SLC44A2: variants seen among roughly 807,000 people sequenced by gnomAD.
The protein encoded by SLC44A2 is choline transporter-like protein 2.
In SLC44A2, 57 loss-of-function variants were observed where a neutral mutation model predicts 90.8. The observed-to-expected ratio is 0.63, with a 90% CI of 0.51 to 0.78. The LOEUF is 0.78. SLC44A2 is among the 30% of genes least tolerant of loss of function. The pLI is 0.00. For synonymous variants in SLC44A2, 355 were observed against 360.7 expected (o/e 0.98, Z 0.18); for missense variants, 794 against 919.7 (o/e 0.86, Z 1.77).
At chr19:10,609,972 AT>A (rs1349712757) in intron 1 of SLC44A2, among the ~76,000 whole-genome samples, 4 of 151,364 alleles carry the variant, frequency 2.6e-5, no homozygotes, top group Non-Finnish European at 2.9e-5. Context: ...TGCCCGGCTA[AT>A]TTTTGTATTT....
chr19:10,615,443 T>A (rs967122897), intron 1 of SLC44A2, among the ~76,000 whole-genome samples: 4 of 151,642 alleles, frequency 2.6e-5, no homozygotes, highest in Non-Finnish European at 4.4e-5. Flanking sequence ...GCATGGTGGC[T>A]CACACCTGAA....
chr19:10,631,025 A>C, intron 4 of SLC44A2, 32 bp from the exon 5 acceptor site: 6 of 1,476,408 alleles, frequency 4.1e-6, no homozygotes, highest in Non-Finnish European at 5.6e-6. Context: ...AAAAAATCTT[A>C]ACAGTTTCCA....
upstream of SLC44A2, among the ~76,000 whole-genome samples, chr19:10,621,421 T>G (rs1599237548): frequency 3.9e-5 from 3 of 76,930 alleles, no homozygotes; most frequent in Middle Eastern, 5.3e-3. Flanking sequence ...GATGGTTGGG[T>G]GTTTTTTTTT....
In SLC44A2 at chr19:10,618,721, C is replaced by T. The variant is rs144917131; in HGVS notation, c.32-7532C>T. On this transcript the variant is annotated intron_variant, in intron 1 of 21. Transcript: ENST00000407327. ...GTCTCGATCTCCTGACCTCGTGTTC[C>T]GGCCATGCTCGCCTAATTTTTTTGT... Among the ~76,000 whole-genome samples, 751 of 151,816 alleles carry T rather than the reference C, an allele frequency of 4.9e-3. 6 individuals are homozygous for T. Among genetic ancestry groups the T allele is most frequent in the African/African-American group, 0.017 (693 of 41,410 alleles).
intron 14 of SLC44A2, 175 bp downstream of exon 14, chr19:10,635,690 C>T (rs1242603385): frequency 3.5e-6 from 2 of 574,502 alleles, no homozygotes. Context: ...GATCGAACAA[C>T]TTCCCAGGGC....
At position 10,627,797 on chromosome 19, in the gene SLC44A2, T is replaced by C; in HGVS notation, c.160+2T>C. On this transcript the variant is annotated splice_donor_variant, in intron 3 of 21. Coordinates refer to ENST00000335757, the MANE Select transcript of SLC44A2 (RefSeq NM_020428.4). LOFTEE classifies it high-confidence loss of function. The stretch of plus-strand genomic sequence containing the variant: ...GCTACGTGGCTGTAGGCATCATAGG[T>C]GAGTAGAGAATGAGCAGGACTTGGA... 6 of 1,613,670 alleles carry C rather than the reference T, an allele frequency of 3.7e-6. No individual in the cohort carries two copies. Among genetic ancestry groups the C allele is most frequent in the Non-Finnish European group, 5.1e-6 (6 of 1,179,934 alleles).
chr19:10,636,342 A>T lies in SLC44A2; in HGVS notation c.1253A>T (p.Glu418Val), dbSNP rs961873464. The T allele has an allele frequency of 2.5e-6, 4 of 1,612,226 alleles. No homozygotes were observed. The highest frequency in any genetic ancestry group is 3.4e-6 in the Non-Finnish European group (4 of 1,179,280). ...CNPETFPSSN[E>V]SRQCPNARCQ... ...CCACAGACCTTCCCCTCCTCCAATG[A>T]GTCCCGCCAATGCCCCAATGCCCGT... Residue 418 changes from glutamate (E) to valine (V), a missense_variant, in exon 15 of 22, where the codon GAG (glutamate) becomes GTG (valine). Physicochemically the swap from Glu to Val is moderately radical, Grantham distance 121 (BLOSUM62 -2). Coordinates refer to ENST00000335757, the MANE Select transcript of SLC44A2 (RefSeq NM_020428.4).
intron 21 of SLC44A2, 72 bp downstream of exon 21, chr19:10,642,523 C>T: frequency 7.1e-7 from 1 of 1,417,022 alleles, no homozygotes; most frequent in Non-Finnish European, 1.0e-6. Context: ...ACATCACCCT[C>T]CAACGGGGCA....
chr19:10,642,632 C>T (rs887143177), intron 21 of SLC44A2, among the ~76,000 whole-genome samples, 181 bp downstream of exon 21: 7 of 152,148 alleles, frequency 4.6e-5, no homozygotes, highest in African/African-American at 1.7e-4. Context: ...AGAAGCAGCT[C>T]CGACCTCCTG....
chr19:10,633,973 A>ATTTTTTTTTTT lies in SLC44A2; in HGVS notation c.824-778_824-768dup, dbSNP rs1406434263. Among the ~76,000 whole-genome samples the ATTTTTTTTTTT allele has an allele frequency of 1.7e-3, 182 of 107,918 alleles. 27 individuals carry two copies. Among genetic ancestry groups the ATTTTTTTTTTT allele is most frequent in the African/African-American group, 6.0e-3 (157 of 26,172 alleles). 70.8% of individuals were successfully genotyped at this position (107,918 alleles called of 152,430 possible). A position where few individuals can be genotyped will look rare whatever the true frequency, so the allele number is the denominator to read the frequency against. ...ACCAACATGTAGAAACCCCATCTCT[A>ATTTTTTTTTTT]TTTTTTTTTTTTTTTGAGACAGAGT... On this transcript the variant is annotated intron_variant, in intron 10 of 21. Coordinates refer to ENST00000335757, the MANE Select transcript of SLC44A2 (RefSeq NM_020428.4).
At chr19:10,627,587 C>G in intron 2 of SLC44A2, 135 bp from the exon 3 acceptor site, 1 of 780,418 alleles carries the variant, frequency 1.3e-6, no homozygotes, top group Non-Finnish European at 2.2e-6. Flanking sequence ...TGCATGTGCC[C>G]TTTGGTACGG....
At chr19:10,621,972 G>C (rs2144831415), upstream of SLC44A2, among the ~76,000 whole-genome samples, 1 of 152,278 alleles carries the variant, frequency 6.6e-6, no homozygotes, top group East Asian at 1.9e-4. Flanking sequence ...GTGTTGCCCA[G>C]GCTGGTCTCG....
At chr19:10,641,127 C>T (rs1168283299) in intron 20 of SLC44A2, 1 of 397,722 alleles carries the variant, frequency 2.5e-6, no homozygotes, top group Non-Finnish European at 4.8e-6. Context: ...ACGCAGGGGC[C>T]CACATGTATA....
At chr19:10,639,898 G>T (rs1489166185) in intron 20 of SLC44A2, among the ~76,000 whole-genome samples, 1 of 151,818 alleles carries the variant, frequency 6.6e-6, no homozygotes. Context: ...AAAAAGTGGA[G>T]ATACGGCCAA....
intron 20 of SLC44A2, among the ~76,000 whole-genome samples, chr19:10,639,046 G>T (rs946306267): frequency 6.6e-6 from 1 of 152,042 alleles, no homozygotes; most frequent in African/African-American, 2.4e-5. Flanking sequence ...TGATCCACCC[G>T]CCTCAGCTTC....
At chr19:10,643,249 T>G in intron 21 of SLC44A2, 30 bp from the exon 22 acceptor site, 1 of 1,596,246 alleles carries the variant, frequency 6.3e-7, no homozygotes, top group South Asian at 1.1e-5. Flanking sequence ...GCTCCCCTCA[T>G]GCCTCCTGCT....
intron 1 of SLC44A2, among the ~76,000 whole-genome samples, chr19:10,615,613 G>C (rs1771578589): frequency 8.2e-6 from 1 of 122,586 alleles, no homozygotes; most frequent in African/African-American, 3.3e-5. Flanking sequence ...GTGAGCTGAG[G>C]AGGAAGAGGA....
chr19:10,630,969 C>T, intron 4 of SLC44A2, 88 bp from the exon 5 acceptor site: 3 of 1,004,978 alleles, frequency 3.0e-6, no homozygotes, highest in South Asian at 1.4e-5. Flanking sequence ...CACACCATTG[C>T]ACTCCATCCT....
intron 1 of SLC44A2, among the ~76,000 whole-genome samples, chr19:10,611,250 G>A (rs1437221287): frequency 1.3e-5 from 2 of 151,836 alleles, no homozygotes; most frequent in South Asian, 2.1e-4. Context: ...TCAGGAGTTC[G>A]AGACCAGCCT....
Sources: allele counts gnomAD v4.1 joint callset (sites outside exome capture counted in the v4.1 genomes callset), GRCh38; gene constraint gnomAD v4.1.1; transcripts MANE v1.5; gene names NCBI Gene and HGNC (gene_info 2026-07-23, HGNC 2026-07-21).